The following ASTN2 variants were observed in gnomAD, a reference collection of about 807,000 sequenced individuals.
ASTN2 encodes the protein astrotactin 2.
ASTN2 carries 54 observed loss-of-function variants against 139.8 expected under a neutral mutation model. That is an observed-to-expected ratio of 0.39 (90% confidence interval 0.31 to 0.48). The LOEUF is 0.48. ASTN2 is among the 20% of genes least tolerant of loss of function. The pLI is 0.95. For synonymous variants in ASTN2, 756 were observed against 719.5 expected (o/e 1.05, Z -0.81); for missense variants, 1,565 against 1,725.1 (o/e 0.91, Z 1.64).
intron 10 of ASTN2, among the ~76,000 whole-genome samples, chr9:116,954,741 T>C (rs910137191): frequency 1.3e-5 from 2 of 152,230 alleles, no homozygotes; most frequent in Admixed American, 6.5e-5. Context: ...CCAGATCATT[T>C]AGCTTCCATC....
chr9:116,641,111 A>G (rs975327577), intron 17 of ASTN2, among the ~76,000 whole-genome samples: 21 of 152,320 alleles, frequency 1.4e-4, no homozygotes, highest in South Asian at 2.1e-4. Context: ...AGGGTTACAA[A>G]TGAGAAGTTA....
intron 3 of ASTN2, among the ~76,000 whole-genome samples, chr9:117,206,504 G>C (rs1381694529): frequency 6.6e-6 from 1 of 152,108 alleles, no homozygotes; most frequent in Non-Finnish European, 1.5e-5. Context: ...TGTGAGCCAA[G>C]TTGCTGCAGC....
chr9:117,041,331 A>G (rs1197342451), intron 5 of ASTN2, among the ~76,000 whole-genome samples: 2 of 151,976 alleles, frequency 1.3e-5, no homozygotes, highest in East Asian at 1.9e-4. Context: ...TGGCTATCCA[A>G]TTAGAATGTC....
At chr9:117,240,873 C>T (rs901808825) in intron 2 of ASTN2, among the ~76,000 whole-genome samples, 1 of 152,142 alleles carries the variant, frequency 6.6e-6, no homozygotes, top group Non-Finnish European at 1.5e-5. Context: ...ACACTCCACA[C>T]CTTATGTTCT....
intron 1 of ASTN2, among the ~76,000 whole-genome samples, chr9:117,320,753 C>T (rs963841792): frequency 3.3e-5 from 5 of 152,114 alleles, no homozygotes; most frequent in African/African-American, 1.2e-4. Flanking sequence ...ATTTCCTTAC[C>T]TACAGTCAGG....
rs569227819 is a variant in ASTN2, at chr9:116,706,132, C to A, written c.2806+19639G>T. ...CAAAGGCATAGTTTGAAAATGCATACCCTCTTCGGTATTCTAATATCTCTC... is the reference window on the plus strand; with the variant it reads ...CAAAGGCATAGTTTGAAAATGCATAACCTCTTCGGTATTCTAATATCTCTC... On this transcript the variant is annotated intron_variant, in intron 16 of 22. Coordinates refer to ENST00000313400, the MANE Select transcript of ASTN2 (RefSeq NM_001365068.1). Among the ~76,000 whole-genome samples the A allele has an allele frequency of 2.0e-5, 3 of 152,182 alleles. No individual in the cohort carries two copies. The East Asian group carries it at 5.8e-4, about 29-fold the overall frequency.
chr9:117,107,519 T>A (rs1008149839), intron 4 of ASTN2, among the ~76,000 whole-genome samples: 3 of 152,210 alleles, frequency 2.0e-5, no homozygotes, highest in African/African-American at 4.8e-5. Context: ...TTGATATGCA[T>A]CCCATATTTC....
At chr9:116,834,709 C>T (rs147610521) in intron 11 of ASTN2, among the ~76,000 whole-genome samples, 136 of 152,280 alleles carry the variant, frequency 8.9e-4, no homozygotes, top group African/African-American at 2.9e-3. Context: ...TTAGGTCATG[C>T]TTTTAAACCC....
intron 6 of ASTN2, among the ~76,000 whole-genome samples, chr9:117,019,973 A>G (rs1466364747): frequency 6.6e-6 from 1 of 151,562 alleles, no homozygotes; most frequent in Admixed American, 6.6e-5. Flanking sequence ...TTTGAAATAA[A>G]CAAACATAAA....
At chr9:116,607,803 T>C (rs1042591529) in intron 19 of ASTN2, among the ~76,000 whole-genome samples, 1 of 150,360 alleles carries the variant, frequency 6.7e-6, no homozygotes, top group African/African-American at 2.5e-5. Context: ...CTATTTAAAA[T>C]ACAAAAAATT....
At chr9:116,671,094 G>C (rs879425275) in intron 16 of ASTN2, among the ~76,000 whole-genome samples, 19 of 151,908 alleles carry the variant, frequency 1.3e-4, no homozygotes, top group Non-Finnish European at 2.5e-4. Context: ...CAATTATAAA[G>C]GCCAGTAAAA....
intron 3 of ASTN2, among the ~76,000 whole-genome samples, chr9:117,186,601 A>G (rs1831207046): frequency 6.6e-6 from 1 of 152,134 alleles, no homozygotes; most frequent in Non-Finnish European, 1.5e-5. Context: ...AAATCCCATT[A>G]GCTGAACTAA....
At chr9:117,223,271 C>T (rs1446233159) in intron 2 of ASTN2, among the ~76,000 whole-genome samples, 1 of 152,016 alleles carries the variant, frequency 6.6e-6, no homozygotes, top group Admixed American at 6.6e-5. Context: ...GTAATAGAGA[C>T]ATTTTTGGTT....
At chr9:116,821,535 G>A (rs971404767) in intron 11 of ASTN2, among the ~76,000 whole-genome samples, 2 of 152,246 alleles carry the variant, frequency 1.3e-5, no homozygotes, top group Admixed American at 1.3e-4. Context: ...CAGTCTGCTG[G>A]ACTCCAGTCA....
At chr9:116,997,840 T>C (rs946567953) in intron 7 of ASTN2, among the ~76,000 whole-genome samples, 1 of 152,228 alleles carries the variant, frequency 6.6e-6, no homozygotes, top group African/African-American at 2.4e-5. Flanking sequence ...GTTGTTATTG[T>C]CACTTCAATG....
chr9:116,779,177 C>A (rs1830157016), intron 13 of ASTN2, among the ~76,000 whole-genome samples: 1 of 152,096 alleles, frequency 6.6e-6, no homozygotes. Context: ...CAAATTTAAT[C>A]CCCATTGCAA....
chr9:116,584,913 G>A (rs1339032550), intron 19 of ASTN2: 1 of 152,180 alleles, frequency 6.6e-6, no homozygotes, highest in Admixed American at 6.5e-5. Context: ...TTCCAACTCT[G>A]ATACAGAAGA....
Position 116,494,013 on chromosome 9 carries a change from T to C in ASTN2, c.3356-6513A>G, listed in dbSNP as rs180953089. 3.9e-5 allele frequency among the ~76,000 whole-genome samples: 6 copies of C among 152,266 alleles called. No homozygotes were observed. The East Asian group carries it at 7.7e-4, about 20-fold the overall frequency. On this transcript the variant is annotated intron_variant, in intron 19 of 22. Coordinates refer to ENST00000313400, the MANE Select transcript of ASTN2 (RefSeq NM_001365068.1). ...TTACTTGGGCAACTGTAGAAATTCATTATGAGAACTTGTCAGGGACAAAAT... is the reference window on the plus strand; with the variant it reads ...TTACTTGGGCAACTGTAGAAATTCACTATGAGAACTTGTCAGGGACAAAAT...
chr9:117,204,588 C>G (rs926197152), intron 3 of ASTN2, among the ~76,000 whole-genome samples: 4 of 152,124 alleles, frequency 2.6e-5, no homozygotes, highest in Admixed American at 6.5e-5. Context: ...TCACAACCAG[C>G]TTTAAGAGCT....
Sources: gnomAD v4.1 joint callset for allele counts (sites outside exome capture counted in the v4.1 genomes callset) on GRCh38, gnomAD v4.1.1 for gene constraint, MANE v1.5 for transcripts, NCBI Gene and HGNC (gene_info 2026-07-23, HGNC 2026-07-21) for gene names.